Variants in ZNF429 observed in about 807,000 individuals in gnomAD.
ZNF429 encodes zinc finger protein 429.
In ZNF429, 53 loss-of-function variants were observed where a neutral mutation model predicts 56.8. The observed-to-expected ratio is 0.93, with a 90% confidence interval of 0.75 to 1.17. The LOEUF (loss-of-function observed/expected upper bound fraction) is 1.17. ZNF429 is among the 50% of genes most tolerant of loss of function. The pLI, the probability that ZNF429 is intolerant of heterozygous loss-of-function variation, is 0.00. For missense variants in ZNF429, 849 were observed against 788.4 expected, an observed-to-expected ratio of 1.08 and a Z score of -0.92; for synonymous variants, 278 against 264.7, an observed-to-expected ratio of 1.05 and a Z score of -0.49.
chr19:21,535,412 TTTTCTTTCTTTCTTTCTTTCTTTCTTTC>T, intron 3 of ZNF429, among the ~76,000 whole-genome samples: 1,184 of 55,280 alleles, frequency 0.021, 74 homozygotes, highest in Admixed American at 0.03. Flanking sequence ...TTTCTTTTTC[TTTTCTTTCTTTCTTTCTTTCTTTCTTTC>T]TTTCTTTCTT....
Position 21,538,987 on chromosome 19 carries a change from G to A in ZNF429, c.*909G>A, listed in dbSNP as rs2033827145. 6.6e-6 allele frequency among the ~76,000 whole-genome samples: 1 copy of A among 152,156 alleles called. No homozygotes were observed. Among genetic ancestry groups the A allele is most frequent in the African/African-American group, 2.4e-5 (1 of 41,436 alleles). ...ACTAGAGGAAAACCCTGAAGCAGTT[G>A]CACCAACTTTGTTCAACATCAGAAA... On this transcript the variant is annotated 3_prime_UTR_variant, in exon 4 of 4. Transcript: ENST00000358491.
intron 1 of ZNF429, chr19:21,506,141 C>T (rs888156355): frequency 4.2e-5 from 7 of 165,124 alleles, no homozygotes; most frequent in Admixed American, 3.0e-4. Flanking sequence ...CCGTGGGGTT[C>T]CCAGTTCCCA....
intron 3 of ZNF429, among the ~76,000 whole-genome samples, chr19:21,535,488 CTTTCTT>C: frequency 1.2e-5 from 1 of 80,840 alleles, no homozygotes; most frequent in East Asian, 3.4e-4. Context: ...TTCTTTCTTT[CTTTCTT>C]TCTTCTTTCT....
chr19:21,516,530 G>A (rs925834523), intron 1 of ZNF429, among the ~76,000 whole-genome samples: 4 of 152,134 alleles, frequency 2.6e-5, no homozygotes, highest in Admixed American at 6.5e-5. Flanking sequence ...ATTTCTTTGA[G>A]CAGTATGGTT....
intron 3 of ZNF429, 99 bp downstream of exon 3, chr19:21,530,783 A>G: frequency 4.3e-6 from 4 of 936,142 alleles, no homozygotes; most frequent in Non-Finnish European, 6.2e-6. Flanking sequence ...CTATGTTTCA[A>G]AGAAAATATT....
chr19:21,537,969 A>G lies in ZNF429; in HGVS notation c.1916A>G (p.His639Arg), dbSNP rs749853570. ...ACCCGGTCTTCAAGACTTACTCAAC[A>G]TAAGAAAATTCATAGGATGGGTGTG... is the stretch of plus-strand genomic sequence containing the variant. Reference protein sequence around the residue: ...AFTRSSRLTQHKKIHRMGVVA... With the variant: ...AFTRSSRLTQRKKIHRMGVVA... The change falls in exon 4 of 4, where the codon CAT (histidine) becomes CGT (arginine). Residue 639 changes from histidine to arginine, a missense_variant. Coordinates refer to ENST00000358491, the MANE Select transcript of ZNF429 (RefSeq NM_001001415.4). The G allele has an allele frequency of 1.4e-5, 23 of 1,614,032 alleles. No individual in the cohort carries two copies. Among genetic ancestry groups the G allele is most frequent in the Non-Finnish European group, 1.8e-5 (21 of 1,180,042 alleles).
intron 1 of ZNF429, among the ~76,000 whole-genome samples, chr19:21,512,111 G>A (rs1473694592): frequency 1.3e-5 from 2 of 150,784 alleles, no homozygotes; most frequent in Non-Finnish European, 2.9e-5. Context: ...AGGGAGAGCG[G>A]TAATTTCTTG....
chr19:21,511,199 C>G (rs1459278735), intron 1 of ZNF429, among the ~76,000 whole-genome samples: 1 of 150,838 alleles, frequency 6.6e-6, no homozygotes, highest in Non-Finnish European at 1.5e-5. Flanking sequence ...GGCGGCTGGC[C>G]GGGCGGGGGC....
intron 1 of ZNF429, among the ~76,000 whole-genome samples, chr19:21,513,553 G>C (rs2032599839): frequency 6.6e-6 from 1 of 152,184 alleles, no homozygotes; most frequent in Admixed American, 6.6e-5. Flanking sequence ...CTGACTCTGG[G>C]TGGTGTCCAA....
chr19:21,517,466 G>A (rs2032798270), intron 1 of ZNF429, among the ~76,000 whole-genome samples: 1 of 152,080 alleles, frequency 6.6e-6, no homozygotes, highest in African/African-American at 2.4e-5. Context: ...ATGAGCAGGG[G>A]AAGAGTTTCT....
intron 1 of ZNF429, among the ~76,000 whole-genome samples, chr19:21,524,484 T>G (rs1420746435): frequency 6.6e-6 from 1 of 151,494 alleles, no homozygotes; most frequent in Admixed American, 6.6e-5. Context: ...GCTGAGATCA[T>G]GCCACTGCAC....
intron 1 of ZNF429, among the ~76,000 whole-genome samples, chr19:21,507,302 C>T (rs745526760): frequency 2.6e-4 from 39 of 152,172 alleles, no homozygotes; most frequent in Non-Finnish European, 4.1e-4. Flanking sequence ...ATGCCAACTC[C>T]CACTACTCCC....
At chr19:21,509,206 C>T (rs942198358) in intron 1 of ZNF429, among the ~76,000 whole-genome samples, 3 of 152,056 alleles carry the variant, frequency 2.0e-5, no homozygotes, top group African/African-American at 4.8e-5. Context: ...AGGGTTTCGC[C>T]GTGTTGCCCA....
At chr19:21,528,694 G>T (rs796965567) in intron 1 of ZNF429, among the ~76,000 whole-genome samples, 7 of 151,864 alleles carry the variant, frequency 4.6e-5, no homozygotes, top group African/African-American at 1.7e-4. Flanking sequence ...GACAGAGTGA[G>T]ACTCCGTCTC....
At chr19:21,526,434 T>C (rs945252590) in intron 1 of ZNF429, among the ~76,000 whole-genome samples, 3 of 152,240 alleles carry the variant, frequency 2.0e-5, no homozygotes, top group Non-Finnish European at 2.9e-5. Context: ...AAACCTTTTA[T>C]CTGAGGAATG....
chr19:21,529,723 A>G lies in ZNF429; in HGVS notation c.69A>G (p.Thr23=). 6.2e-7 allele frequency: 1 copy of G among 1,603,046 alleles called. No individual in the cohort carries two copies. The highest frequency in any genetic ancestry group is 8.5e-7 in the Non-Finnish European group (1 of 1,174,302). ...TGGAGGAGTGGCAGTGCCTGGACAC[A>G]GCACAACAGAACTTATATAGAAATG... is the stretch of plus-strand genomic sequence containing the variant. ...FSLEEWQCLD[T]AQQNLYRNVM... Residue 23 remains threonine (T), a synonymous_variant, in exon 2 of 4, where the codon ACA becomes ACG. Coordinates refer to ENST00000358491, the MANE Select transcript of ZNF429 (RefSeq NM_001001415.4).
intron 1 of ZNF429, chr19:21,521,571 A>T (rs1238374037): frequency 6.6e-6 from 1 of 152,136 alleles, no homozygotes; most frequent in African/African-American, 2.4e-5. Context: ...CTACTTGATC[A>T]ATCTTGTATC....
Position 21,538,421 on chromosome 19 carries a change from A to G in ZNF429, c.*343A>G, listed in dbSNP as rs566531262. On this transcript the variant is annotated 3_prime_UTR_variant, in exon 4 of 4. Coordinates refer to ENST00000358491, the MANE Select transcript of ZNF429 (RefSeq NM_001001415.4). Reference sequence around the variant, plus strand: ...TCAAGACCAGCCTGGTCAACATGGTAAAACCCCATCTCTACTAAAAATACA... The same window carrying G: ...TCAAGACCAGCCTGGTCAACATGGTGAAACCCCATCTCTACTAAAAATACA... Among the ~76,000 whole-genome samples the G allele has an allele frequency of 4.0e-5, 6 of 151,788 alleles. No homozygotes were observed. Among genetic ancestry groups the G allele is most frequent in the Non-Finnish European group, 8.8e-5 (6 of 67,896 alleles).
At chr19:21,529,430 G>A in intron 1 of ZNF429, 1 of 832,422 alleles carries the variant, frequency 1.2e-6, no homozygotes, top group Non-Finnish European at 1.4e-6. Flanking sequence ...GTACACTGAT[G>A]TTGTGGATCT....
Sources: allele counts gnomAD v4.1 joint callset (sites outside exome capture counted in the v4.1 genomes callset), GRCh38; gene constraint gnomAD v4.1.1; transcripts MANE v1.5; gene names NCBI Gene and HGNC (gene_info 2026-07-23, HGNC 2026-07-21).